Variants in SCMH1 observed in about 807,000 individuals in gnomAD.
The protein encoded by SCMH1 is polycomb protein SCMH1.
A neutral mutation model predicts 70.8 loss-of-function variants in SCMH1; 37 were observed. The observed-to-expected ratio is 0.52, with a 90% CI of 0.40 to 0.69. The LOEUF (loss-of-function observed/expected upper bound fraction) is 0.69. Ranked by LOEUF, SCMH1 falls within the 30% of genes least tolerant of loss-of-function variation. The pLI, the probability that SCMH1 is intolerant of heterozygous loss-of-function variation, is 0.00. For missense variants in SCMH1, 607 were observed against 827.3 expected (o/e 0.73, Z 3.27); for synonymous variants, 292 against 307.4 (o/e 0.95, Z 0.52).
intron 1 of SCMH1, among the ~76,000 whole-genome samples, chr1:41,207,151 C>T (rs986853411): frequency 2.0e-5 from 3 of 152,178 alleles, no homozygotes. Flanking sequence ...AAATAACCAG[C>T]TATCATCATA....
At chr1:41,052,496 T>C (rs1377180906) in intron 10 of SCMH1, among the ~76,000 whole-genome samples, 1 of 152,198 alleles carries the variant, frequency 6.6e-6, no homozygotes. Flanking sequence ...ATAAAACCAG[T>C]CCTTGGTGCC....
Position 41,202,197 on chromosome 1 carries a change from G to A in SCMH1, c.-117-15947C>T, listed in dbSNP as rs182320519. The stretch of plus-strand genomic sequence containing the variant: ...ATTACAGGTGCCCACGACCACGCCC[G>A]GCTAATTTTCGTATTTTTAGTAGAG... On this transcript the variant is annotated intron_variant, in intron 1 of 14. Coordinates refer to ENST00000337495, the Ensembl canonical transcript of SCMH1. 1.6e-3 allele frequency among the ~76,000 whole-genome samples: 239 copies of A among 151,986 alleles called. 3 individuals carry two copies. The highest frequency in any genetic ancestry group is 1.4e-3 in the Non-Finnish European group (95 of 67,960).
chr1:41,211,726 C>T (rs959442675), intron 1 of SCMH1, among the ~76,000 whole-genome samples: 1 of 152,156 alleles, frequency 6.6e-6, no homozygotes, highest in African/African-American at 2.4e-5. Flanking sequence ...CATATGTTTA[C>T]TGTGGCACTA....
chr1:41,061,106 T>C (rs1047957277), intron 10 of SCMH1, among the ~76,000 whole-genome samples: 2 of 152,206 alleles, frequency 1.3e-5, no homozygotes, highest in African/African-American at 4.8e-5. Flanking sequence ...ACCTCCAAAC[T>C]GCCCTTAATC....
intron 8 of SCMH1, among the ~76,000 whole-genome samples, chr1:41,076,839 G>T (rs1658425327): frequency 1.3e-5 from 2 of 152,138 alleles, no homozygotes; most frequent in Non-Finnish European, 2.9e-5. Flanking sequence ...GTGAGTAGCA[G>T]TAAAATTGTG....
chr1:41,029,469 G>A (rs1221613174), intron 13 of SCMH1, among the ~76,000 whole-genome samples: 2 of 152,096 alleles, frequency 1.3e-5, no homozygotes, highest in African/African-American at 4.8e-5. Context: ...CAAAGTGCTG[G>A]GATTACAGGC....
At chr1:41,086,953 G>C (rs1232119844) in intron 8 of SCMH1, among the ~76,000 whole-genome samples, 2 of 145,840 alleles carry the variant, frequency 1.4e-5, no homozygotes, top group Non-Finnish European at 3.0e-5. Flanking sequence ...GAAAACAACA[G>C]AATGTGAGAG....
At chr1:41,218,343 G>A (rs1158090188) in intron 1 of SCMH1, among the ~76,000 whole-genome samples, 6 of 152,112 alleles carry the variant, frequency 3.9e-5, no homozygotes, top group African/African-American at 1.2e-4. Context: ...TTAAGATGAC[G>A]TCATTAGGGT....
intron 13 of SCMH1, among the ~76,000 whole-genome samples, chr1:41,034,267 T>C (rs1644971612): frequency 6.6e-6 from 1 of 151,600 alleles, no homozygotes; most frequent in South Asian, 2.1e-4. Context: ...CACCACAGGC[T>C]TCTTCCCATG....
intron 5 of SCMH1, among the ~76,000 whole-genome samples, chr1:41,149,730 T>C (rs1644894916): frequency 6.6e-6 from 1 of 152,220 alleles, no homozygotes; most frequent in Non-Finnish European, 1.5e-5. Context: ...TTTTCCAATA[T>C]GAGCAACACC....
At chr1:41,053,293 T>C (rs1277124560) in intron 10 of SCMH1, among the ~76,000 whole-genome samples, 2 of 152,078 alleles carry the variant, frequency 1.3e-5, no homozygotes, top group East Asian at 3.9e-4. Flanking sequence ...TAAAAAAATC[T>C]ACATGGATTA....
chr1:41,204,259 C>A (rs1404481780), intron 1 of SCMH1, among the ~76,000 whole-genome samples: 1 of 152,202 alleles, frequency 6.6e-6, no homozygotes, highest in Non-Finnish European at 1.5e-5. Flanking sequence ...GCCTTAGCAG[C>A]AAATGCAATC....
intron 1 of SCMH1, among the ~76,000 whole-genome samples, chr1:41,199,339 T>G (rs1653751748): frequency 6.6e-6 from 1 of 152,204 alleles, no homozygotes; most frequent in Non-Finnish European, 1.5e-5. Flanking sequence ...TTGTCTTGAC[T>G]TCTATCACCG....
At chr1:41,039,007 T>G (rs765781786) in intron 12 of SCMH1, among the ~76,000 whole-genome samples, 13 of 152,254 alleles carry the variant, frequency 8.5e-5, no homozygotes, top group African/African-American at 1.4e-4. Context: ...TGGGAGGAAC[T>G]TTATGAATGT....
At chr1:41,056,051 T>C (rs1317134399) in intron 10 of SCMH1, among the ~76,000 whole-genome samples, 2 of 152,198 alleles carry the variant, frequency 1.3e-5, no homozygotes, top group East Asian at 3.8e-4. Context: ...AGAGGTGGGG[T>C]CTACTCCTCT....
chr1:41,221,703 C>T (rs183773606), intron 1 of SCMH1, among the ~76,000 whole-genome samples: 121 of 151,532 alleles, frequency 8.0e-4, no homozygotes, highest in Admixed American at 2.6e-3. Context: ...GCCTGGCCAA[C>T]ATGGCGAAAC....
intron 1 of SCMH1, among the ~76,000 whole-genome samples, chr1:41,214,417 C>T (rs530828151): frequency 6.6e-6 from 1 of 152,128 alleles, no homozygotes; most frequent in South Asian, 2.1e-4. Context: ...TTATCTGACT[C>T]ATATTTTGTC....
exon 11 of SCMH1, chr1:41,048,841 C>T: frequency 3.1e-6 from 5 of 1,614,200 alleles, no homozygotes; most frequent in Non-Finnish European, 3.4e-6. Context: ...GGACCTTCTT[C>T]TTATCTAAGT....
chr1:41,180,591 T>A (rs1648458437), intron 2 of SCMH1, among the ~76,000 whole-genome samples: 1 of 152,124 alleles, frequency 6.6e-6, no homozygotes, highest in South Asian at 2.1e-4. Flanking sequence ...TGAACTCCCA[T>A]TCACAATTGC....
Sources: gnomAD v4.1 joint callset for allele counts (sites outside exome capture counted in the v4.1 genomes callset) on GRCh38, gnomAD v4.1.1 for gene constraint, MANE v1.5 for transcripts, NCBI Gene and HGNC (gene_info 2026-07-23, HGNC 2026-07-21) for gene names.